Variants in CFAP70 observed in about 807,000 individuals in gnomAD.
CFAP70 encodes the protein cilia- and flagella-associated protein 70.
In CFAP70, 81 loss-of-function variants were observed where a neutral mutation model predicts 137.6. The ratio of observed to expected loss-of-function variants is 0.59; its 90% CI spans 0.49 to 0.71. The LOEUF is 0.71. CFAP70 is among the 30% of genes least tolerant of loss of function. CFAP70 has a pLI of 0.00. For missense variants in CFAP70, 976 were observed against 1,226.7 expected (o/e 0.80, Z 3.05); for synonymous variants, 382 against 423.6 (o/e 0.90, Z 1.20).
intron 24 of CFAP70, among the ~76,000 whole-genome samples, chr10:73,271,155 G>A (rs552577502): frequency 5.9e-5 from 9 of 152,286 alleles, no homozygotes; most frequent in Admixed American, 1.3e-4. Flanking sequence ...GCAAGATCCT[G>A]TCTCAAGTAA....
At chr10:73,258,254 T>C (rs1349888173) in intron 25 of CFAP70, among the ~76,000 whole-genome samples, 1 of 152,222 alleles carries the variant, frequency 6.6e-6, no homozygotes, top group Non-Finnish European at 1.5e-5. Flanking sequence ...CAGAAGAACA[T>C]AAATTGTGAA....
intron 21 of CFAP70, 134 bp downstream of exon 22, chr10:73,277,106 G>T: frequency 8.7e-7 from 1 of 1,151,434 alleles, no homozygotes; most frequent in Non-Finnish European, 1.2e-6. Flanking sequence ...TTTCCATTGG[G>T]CTTAAAGTAT....
At chr10:73,322,830 G>A (rs542953741) in intron 9 of CFAP70, 133 bp downstream of exon 10, 2 of 742,520 alleles carry the variant, frequency 2.7e-6, no homozygotes, top group South Asian at 5.8e-5. Flanking sequence ...TGACTGTAAG[G>A]CTATATATTT....
chr10:73,293,960 G>T (rs1325628031), intron 15 of CFAP70: 3 of 152,136 alleles, frequency 2.0e-5, no homozygotes, highest in South Asian at 4.1e-4. Context: ...GGGAGAGCAG[G>T]TCTGGTGTAA....
At chr10:73,355,973 T>C (rs2054647690) in intron 1 of CFAP70, among the ~76,000 whole-genome samples, 1 of 152,122 alleles carries the variant, frequency 6.6e-6, no homozygotes, top group African/African-American at 2.4e-5. Flanking sequence ...AACCGTTTTT[T>C]TTAATCTGCA....
intron 15 of CFAP70, chr10:73,294,596 C>T (rs2048401584): frequency 6.6e-6 from 1 of 152,200 alleles, no homozygotes. Flanking sequence ...ACCTTTAATA[C>T]CCTTAGTAAT....
intron 25 of CFAP70, among the ~76,000 whole-genome samples, chr10:73,258,533 T>C (rs558087695): frequency 6.6e-6 from 1 of 152,350 alleles, no homozygotes; most frequent in East Asian, 1.9e-4. Context: ...GTTTGAACAA[T>C]ATGAAATCTG....
chr10:73,280,375 T>C (rs1202781420), intron 19 of CFAP70, among the ~76,000 whole-genome samples: 2 of 152,168 alleles, frequency 1.3e-5, no homozygotes, highest in Non-Finnish European at 2.9e-5. Flanking sequence ...AAGTTATTTG[T>C]ATGTACTCTT....
upstream of CFAP70, among the ~76,000 whole-genome samples, chr10:73,360,391 C>A (rs572012133): frequency 6.6e-6 from 1 of 152,268 alleles, no homozygotes; most frequent in Admixed American, 6.5e-5. Flanking sequence ...CATACACACA[C>A]AGTGAGCAAT....
At chr10:73,310,223 A>G (rs1385428711) in exon 12 of CFAP70, 2 of 1,612,900 alleles carry the variant, frequency 1.2e-6, no homozygotes, top group East Asian at 4.5e-5. Flanking sequence ...TTTCCAACAC[A>G]ATGTATGTCC....
chr10:73,297,137 T>C, exon 15 of CFAP70: 1 of 1,613,732 alleles, frequency 6.2e-7, no homozygotes, highest in East Asian at 2.2e-5. Context: ...GATGTTGTCT[T>C]CAAGTATTTA....
rs569175068 is a variant in CFAP70 at position 73,333,685 on chromosome 10, A to G, written c.677+1745T>C. Among the ~76,000 whole-genome samples the G allele has an allele frequency of 6.6e-5, 10 of 152,302 alleles. No homozygotes were observed. In the East Asian group the frequency reaches 1.9e-3, roughly 29 times the overall value. ...TCCTTCAAACCTAAAGGAGAAATAA[A>G]CCCTTTCTCAAACAAACAAAAATGA... On this transcript the variant is annotated intron_variant, in intron 7 of 26. Coordinates refer to ENST00000310715, the Ensembl canonical transcript of CFAP70.
intron 25 of CFAP70, among the ~76,000 whole-genome samples, chr10:73,261,972 A>ATATATATGTATACATATG (rs567709008): frequency 4.9e-4 from 72 of 147,310 alleles, no homozygotes; most frequent in Admixed American, 6.2e-4. Context: ...TATACATATT[A>ATATATATGTATACATATG]TATATATGTA....
At chr10:73,265,985 T>C (rs1589265443) in intron 25 of CFAP70, among the ~76,000 whole-genome samples, 1 of 152,142 alleles carries the variant, frequency 6.6e-6, no homozygotes, top group Non-Finnish European at 1.5e-5. Flanking sequence ...AACTTAGATA[T>C]TAACTTAGGG....
chr10:73,362,480 T>C (rs7913567), upstream of CFAP70, among the ~76,000 whole-genome samples: 23,184 of 152,168 alleles, frequency 0.15, 2,862 homozygotes, highest in African/African-American at 0.32. Context: ...GTTTTCATTG[T>C]AGAGATCTTT....
At chr10:73,291,548 A>C in intron 18 of CFAP70, 92 bp downstream of exon 19, 1 of 1,492,216 alleles carries the variant, frequency 6.7e-7, no homozygotes, top group South Asian at 1.2e-5. Context: ...AAAGTTTAAG[A>C]ACTACATGAT....
chr10:73,280,086 A>C (rs927494321), intron 19 of CFAP70, among the ~76,000 whole-genome samples: 21 of 152,176 alleles, frequency 1.4e-4, no homozygotes, highest in Non-Finnish European at 4.4e-5. Context: ...AATTACACTG[A>C]TTTTCAAATG....
chr10:73,340,039 CAA>C (rs2053102819), intron 6 of CFAP70, among the ~76,000 whole-genome samples: 1 of 152,226 alleles, frequency 6.6e-6, no homozygotes, highest in Non-Finnish European at 1.5e-5. Context: ...GTGAGCAAAG[CAA>C]AGAGGTGCTT....
chr10:73,280,299 T>C (rs891665483), intron 19 of CFAP70, among the ~76,000 whole-genome samples: 2 of 152,094 alleles, frequency 1.3e-5, no homozygotes, highest in Non-Finnish European at 2.9e-5. Flanking sequence ...CAAAACCTTG[T>C]CTCTTAAAAA....
Sources: gnomAD v4.1 joint callset for allele counts (sites outside exome capture counted in the v4.1 genomes callset) on GRCh38, gnomAD v4.1.1 for gene constraint, MANE v1.5 for transcripts, NCBI Gene and HGNC (gene_info 2026-07-23, HGNC 2026-07-21) for gene names.